MED27: variants seen among roughly 807,000 people sequenced by gnomAD.
The protein encoded by MED27 is mediator complex subunit 27.
Under a neutral mutation model 38.2 loss-of-function variants are expected in MED27, and 30 were observed. That is an observed-to-expected ratio of 0.79 (90% CI 0.59 to 1.07). The LOEUF (loss-of-function observed/expected upper bound fraction) is 1.07, where lower values mean the gene tolerates loss of function less well. Ranked by LOEUF, MED27 falls within the 50% of genes least tolerant of loss-of-function variation. The pLI, the probability that MED27 is intolerant of heterozygous loss-of-function variation, is 0.00. For missense variants in MED27, 289 were observed against 397.5 expected (o/e 0.73, Z 2.32); for synonymous variants, 122 against 153.5 (o/e 0.79, Z 1.52).
At chr9:131,951,488 C>G (rs536960165) in intron 3 of MED27, among the ~76,000 whole-genome samples, 2 of 152,222 alleles carry the variant, frequency 1.3e-5, no homozygotes, top group Non-Finnish European at 2.9e-5. Flanking sequence ...CAACTCTATT[C>G]AGCACAACAG....
intron 3 of MED27, among the ~76,000 whole-genome samples, chr9:131,986,700 C>T (rs527328955): frequency 4.0e-4 from 61 of 152,236 alleles, no homozygotes; most frequent in African/African-American, 1.3e-3. Context: ...TATGTTTGCA[C>T]AATGATGGAA....
intron 4 of MED27, among the ~76,000 whole-genome samples, chr9:131,936,400 A>G (rs1164245494): frequency 6.6e-6 from 1 of 152,192 alleles, no homozygotes; most frequent in Non-Finnish European, 1.5e-5. Context: ...AGTGCTGTGT[A>G]AGCCACAAGA....
In MED27 at chr9:131,917,961, T is replaced by C. The variant is rs1341783400; in HGVS notation, c.573+21420A>G. 6.6e-6 allele frequency among the ~76,000 whole-genome samples: 1 copy of C among 152,216 alleles called. No individual in the cohort carries two copies. Among genetic ancestry groups the C allele is most frequent in the Admixed American group, 6.5e-5 (1 of 15,286 alleles). On this transcript the variant is annotated intron_variant, in intron 4 of 7. Transcript: ENST00000292035. This position sits in a 1 kb window ranked among gnomAD's most constrained non-coding sequence, Gnocchi z 4.6. ...AAATTTTAAAAACAGTTTCACCCTG[T>C]CTCAAAAAGGCAAGTGCCACCTGTT...
At chr9:131,973,560 C>A (rs532765860) in intron 3 of MED27, among the ~76,000 whole-genome samples, 1 of 148,432 alleles carries the variant, frequency 6.7e-6, no homozygotes, top group Non-Finnish European at 1.5e-5. Flanking sequence ...TGGGTTCAAG[C>A]GATTCTAGAG....
chr9:131,994,126 G>A (rs1832038626), intron 3 of MED27, among the ~76,000 whole-genome samples: 1 of 152,206 alleles, frequency 6.6e-6, no homozygotes. Context: ...TAATTTAGAA[G>A]TTTGGTGATG....
intron 2 of MED27, among the ~76,000 whole-genome samples, chr9:132,067,139 C>T (rs572229280): frequency 6.6e-6 from 1 of 152,282 alleles, no homozygotes; most frequent in African/African-American, 2.4e-5. Context: ...AAATAATTAC[C>T]ATTTATTAAA....
At chr9:132,023,170 T>A (rs1385612850) in intron 2 of MED27, among the ~76,000 whole-genome samples, 8 of 152,146 alleles carry the variant, frequency 5.3e-5, no homozygotes. Context: ...AATATTCCCA[T>A]ATAAGAAATA....
Position 131,862,334 on chromosome 9 carries a change from G to T in MED27, c.801+729C>A, listed in dbSNP as rs971665199. Among the ~76,000 whole-genome samples the T allele has an allele frequency of 1.3e-5, 2 of 152,164 alleles. No homozygotes were observed. Among genetic ancestry groups the T allele is most frequent in the Non-Finnish European group, 2.9e-5 (2 of 68,034 alleles). ...GGTGGATGATGGGGTCTGCTGGCGT[G>T]AGAGCATGCGGCCGTGTGAGCATGC... On this transcript the variant is annotated intron_variant, in intron 7 of 7. Transcript: ENST00000292035. The surrounding 1 kb of genome is among the most constrained non-coding windows in gnomAD (Gnocchi z 4.6).
intron 3 of MED27, among the ~76,000 whole-genome samples, chr9:131,983,778 A>G (rs1289524136): frequency 8.5e-5 from 13 of 152,242 alleles, no homozygotes; most frequent in Non-Finnish European, 1.5e-4. Flanking sequence ...GTGCTAATAA[A>G]TGTTCTAAAT....
intron 3 of MED27, among the ~76,000 whole-genome samples, chr9:131,973,907 C>CG (rs1242762384): frequency 1.3e-5 from 2 of 150,590 alleles, no homozygotes; most frequent in African/African-American, 2.4e-5. Flanking sequence ...TTAATAGAGA[C>CG]GGGTTTCACC....
intron 2 of MED27, among the ~76,000 whole-genome samples, chr9:132,066,547 G>A (rs1386053197): frequency 6.6e-5 from 10 of 152,238 alleles, no homozygotes; most frequent in Admixed American, 5.9e-4. Flanking sequence ...CCCTTCACCT[G>A]GAGAAGTCAG....
At chr9:131,954,046 C>T (rs577513607) in intron 3 of MED27, among the ~76,000 whole-genome samples, 3 of 152,226 alleles carry the variant, frequency 2.0e-5, no homozygotes, top group East Asian at 1.9e-4. Context: ...TCAGATGATC[C>T]GCCCGCCTCA....
intron 2 of MED27, among the ~76,000 whole-genome samples, chr9:132,029,289 A>G (rs1278264954): frequency 6.6e-6 from 1 of 152,254 alleles, no homozygotes; most frequent in Non-Finnish European, 1.5e-5. Flanking sequence ...GTCTTCAAAT[A>G]GTTAAATTTT....
chr9:132,012,651 G>A (rs1417416346), intron 3 of MED27, among the ~76,000 whole-genome samples: 1 of 152,118 alleles, frequency 6.6e-6, no homozygotes, highest in Admixed American at 6.5e-5. Flanking sequence ...GCTCCTCAGA[G>A]AAGCCCTCTT....
intron 2 of MED27, among the ~76,000 whole-genome samples, chr9:132,021,971 T>G (rs1292094468): frequency 3.9e-5 from 6 of 152,182 alleles, no homozygotes; most frequent in Admixed American, 3.9e-4. Context: ...AAAATAAATG[T>G]TTGTTGTTTA....
At chr9:131,984,557 C>T (rs754283283) in intron 3 of MED27, among the ~76,000 whole-genome samples, 3 of 152,098 alleles carry the variant, frequency 2.0e-5, no homozygotes, top group South Asian at 2.1e-4. Flanking sequence ...CGGAACAGAG[C>T]GCTACAGAGA....
rs142425675 is a variant in MED27, at chr9:131,980,868, T to C, written c.479+33469A>G. Among the ~76,000 whole-genome samples the C allele has an allele frequency of 2.0e-3, 301 of 152,326 alleles. 3 individuals carry two copies. Among genetic ancestry groups the C allele is most frequent in the Middle Eastern group, 0.017 (5 of 294 alleles). ...CAGACAGCAGGCAGCATAGACACAG[T>C]TGAATTTCTTGTTAGTGAAGAAACA... On this transcript the variant is annotated intron_variant, in intron 3 of 7. Coordinates refer to ENST00000292035, the MANE Select transcript of MED27 (RefSeq NM_004269.4).
intron 3 of MED27, among the ~76,000 whole-genome samples, chr9:131,945,676 T>C (rs1301212194): frequency 6.6e-6 from 1 of 151,676 alleles, no homozygotes; most frequent in Non-Finnish European, 1.5e-5. Flanking sequence ...AGAAGTGAGA[T>C]CGTGGCCAGG....
intron 2 of MED27, among the ~76,000 whole-genome samples, chr9:132,045,070 T>G (rs995578193): frequency 6.6e-6 from 1 of 152,040 alleles, no homozygotes; most frequent in Non-Finnish European, 1.5e-5. Context: ...AATTTAAAAT[T>G]TGTATATGTT....
Sources: gnomAD v4.1 joint callset for allele counts (sites outside exome capture counted in the v4.1 genomes callset) on GRCh38, gnomAD v4.1.1 for gene constraint, Gnocchi (gnomAD v3.1) non-coding constraint, MANE v1.5 for transcripts, NCBI Gene and HGNC (gene_info 2026-07-23, HGNC 2026-07-21) for gene names.